AGBL4: variants seen among roughly 807,000 people sequenced by gnomAD.
AGBL4 encodes the protein cytosolic carboxypeptidase 6.
In AGBL4, 58 loss-of-function variants were observed where a neutral mutation model predicts 66.4. The observed-to-expected ratio is 0.87, with a 90% CI of 0.71 to 1.09. The LOEUF is 1.09. Among genes scored for constraint, AGBL4 ranks in the 50% least tolerant of loss-of-function variants. AGBL4 has a pLI of 0.00. For synonymous variants in AGBL4, 234 were observed against 222.9 expected (o/e 1.05, Z -0.44); for missense variants, 579 against 631.0 (o/e 0.92, Z 0.88).
At chr1:48,580,457 T>C (rs1019737357) in intron 11 of AGBL4, among the ~76,000 whole-genome samples, 10 of 152,194 alleles carry the variant, frequency 6.6e-5, no homozygotes, top group Admixed American at 6.5e-5. Context: ...CCCTAACCCC[T>C]TGGTCACATG....
rs750910149 is a variant in AGBL4 at position 49,129,447 on chromosome 1, AT to A, written c.378-83648del. On this transcript the variant is annotated intron_variant, in intron 4 of 13. Coordinates refer to ENST00000371839, the MANE Select transcript of AGBL4 (RefSeq NM_032785.4). ...CATTTAGCATTAGGTATATCTCCTAATGCTATCCCTCCCACCTCCCCCAACC... is the reference window on the plus strand; with the variant it reads ...CATTTAGCATTAGGTATATCTCCTAAGCTATCCCTCCCACCTCCCCCAACC... Among the ~76,000 whole-genome samples the A allele has an allele frequency of 4.2e-4, 63 of 151,674 alleles. 1 individual carries two copies. Among genetic ancestry groups the A allele is most frequent in the Non-Finnish European group, 8.4e-4 (57 of 67,974 alleles).
At chr1:49,503,407 C>T (rs1285575697) in intron 3 of AGBL4, among the ~76,000 whole-genome samples, 3 of 152,136 alleles carry the variant, frequency 2.0e-5, no homozygotes, top group African/African-American at 7.2e-5. Flanking sequence ...GTTGGAGCCC[C>T]CACACAGAGT....
chr1:49,849,393 T>TTTATTATTA (rs61688417), intron 2 of AGBL4, among the ~76,000 whole-genome samples: 61 of 130,070 alleles, frequency 4.7e-4, no homozygotes, highest in South Asian at 1.0e-3. Flanking sequence ...ATTCATCTAA[T>TTTATTATTA]TTATTATTAT....
intron 6 of AGBL4, among the ~76,000 whole-genome samples, chr1:48,803,645 A>G (rs530257224): frequency 6.6e-6 from 1 of 152,356 alleles, no homozygotes. Context: ...GGTCTGAGGT[A>G]AAATTTTCTG....
At chr1:49,537,272 A>T (rs1298785399) in intron 3 of AGBL4, among the ~76,000 whole-genome samples, 2 of 152,216 alleles carry the variant, frequency 1.3e-5, no homozygotes, top group Non-Finnish European at 2.9e-5. Context: ...AACACAGGCA[A>T]CAAAACAAAA....
intron 8 of AGBL4, among the ~76,000 whole-genome samples, chr1:48,651,240 G>C (rs1645925011): frequency 6.6e-6 from 1 of 152,106 alleles, no homozygotes; most frequent in Admixed American, 6.5e-5. Flanking sequence ...CACTTCTGAG[G>C]GTTGGAAATC....
At chr1:48,717,387 T>A (rs191520580) in intron 6 of AGBL4, among the ~76,000 whole-genome samples, 17 of 152,242 alleles carry the variant, frequency 1.1e-4, no homozygotes, top group African/African-American at 3.9e-4. Flanking sequence ...TCACAGACTC[T>A]GTTTCACTCT....
chr1:48,791,740 A>G (rs1645556557), intron 6 of AGBL4, among the ~76,000 whole-genome samples: 2 of 152,200 alleles, frequency 1.3e-5, no homozygotes. Context: ...AGGGCATTTG[A>G]TACAATTAAA....
intron 3 of AGBL4, among the ~76,000 whole-genome samples, chr1:49,465,896 GA>G (rs1646620000): frequency 6.6e-6 from 1 of 151,872 alleles, no homozygotes; most frequent in Non-Finnish European, 1.5e-5. Flanking sequence ...AAAGGTTGAA[GA>G]AGGCGTCTTA....
chr1:49,218,459 G>A (rs1041698690), intron 4 of AGBL4, among the ~76,000 whole-genome samples: 1 of 152,142 alleles, frequency 6.6e-6, no homozygotes, highest in Non-Finnish European at 1.5e-5. Flanking sequence ...GACTGGAGAA[G>A]TAGTCAGAAA....
rs567330779 is a variant in AGBL4 at position 48,698,864 on chromosome 1, A to C, written c.635-35623T>G. 8.1e-4 allele frequency among the ~76,000 whole-genome samples: 124 copies of C among 152,336 alleles called. 2 individuals are homozygous for C. The highest frequency in any genetic ancestry group is 4.1e-3 in the South Asian group (20 of 4,824). ...GAAGTTAAATAACTGGTCACAGAGCAAAAAAATAGGAAGGAGAGCAGTGTT... is the reference window on the plus strand; with the variant it reads ...GAAGTTAAATAACTGGTCACAGAGCCAAAAAATAGGAAGGAGAGCAGTGTT... On this transcript the variant is annotated intron_variant, in intron 6 of 13. Coordinates refer to ENST00000371839, the MANE Select transcript of AGBL4 (RefSeq NM_032785.4).
intron 3 of AGBL4, among the ~76,000 whole-genome samples, chr1:49,438,293 T>A (rs963858975): frequency 6.6e-6 from 1 of 152,194 alleles, no homozygotes. Flanking sequence ...GGAATAATCA[T>A]TAAAATTAGG....
intron 2 of AGBL4, among the ~76,000 whole-genome samples, chr1:49,780,917 A>G (rs1399030951): frequency 6.6e-6 from 1 of 152,154 alleles, no homozygotes; most frequent in African/African-American, 2.4e-5. Flanking sequence ...CAAAAGGCAG[A>G]CATTATAACT....
intron 1 of AGBL4, among the ~76,000 whole-genome samples, chr1:49,911,211 T>C (rs912730795): frequency 6.6e-6 from 1 of 150,728 alleles, no homozygotes; most frequent in African/African-American, 2.4e-5. Context: ...GAAATGAGAG[T>C]CCGGATTAAA....
chr1:49,304,859 T>G (rs1452145772), intron 3 of AGBL4, among the ~76,000 whole-genome samples: 2 of 152,214 alleles, frequency 1.3e-5, no homozygotes, highest in Non-Finnish European at 2.9e-5. Context: ...TGGCCACATA[T>G]TAATTATTGA....
chr1:49,541,365 C>T (rs116769076), intron 3 of AGBL4, among the ~76,000 whole-genome samples: 93 of 152,194 alleles, frequency 6.1e-4, no homozygotes, highest in African/African-American at 1.4e-3. Context: ...GAGCTGCGGG[C>T]GGTCCTTGTG....
rs572396971 is a variant in AGBL4, at chr1:49,803,935, A to G, written c.157+47461T>C. On this transcript the variant is annotated intron_variant, in intron 2 of 13. Coordinates refer to ENST00000371839, the MANE Select transcript of AGBL4 (RefSeq NM_032785.4). ...ATACTACTATTAGAAAGAAGTTAAAACAAAGTAACCTATCCTAAGATGTGT... is the reference window on the plus strand; with the variant it reads ...ATACTACTATTAGAAAGAAGTTAAAGCAAAGTAACCTATCCTAAGATGTGT... 5.3e-5 allele frequency among the ~76,000 whole-genome samples: 8 copies of G among 152,336 alleles called. No homozygotes were observed. In the South Asian group the frequency reaches 1.4e-3, roughly 28 times the overall value.
intron 5 of AGBL4, among the ~76,000 whole-genome samples, chr1:48,953,999 G>A (rs1255414053): frequency 6.6e-6 from 1 of 152,194 alleles, no homozygotes; most frequent in Non-Finnish European, 1.5e-5. Flanking sequence ...TGAGTAGTAC[G>A]ATTGTTCTAG....
chr1:49,764,009 G>A (rs1362867979), intron 2 of AGBL4, among the ~76,000 whole-genome samples: 1 of 152,010 alleles, frequency 6.6e-6, no homozygotes, highest in Non-Finnish European at 1.5e-5. Flanking sequence ...GCCAGCGCAG[G>A]CAGTCACAGT....
Sources: gnomAD v4.1 joint callset for allele counts (sites outside exome capture counted in the v4.1 genomes callset) on GRCh38, gnomAD v4.1.1 for gene constraint, MANE v1.5 for transcripts, NCBI Gene and HGNC (gene_info 2026-07-23, HGNC 2026-07-21) for gene names.